SHISA9: variants seen among roughly 807,000 people sequenced by gnomAD.
The protein encoded by SHISA9 is protein shisa-9.
In SHISA9, 13 loss-of-function variants were observed where a neutral mutation model predicts 38.0. The ratio of observed to expected loss-of-function variants is 0.34; its 90% CI spans 0.22 to 0.54. The LOEUF (loss-of-function observed/expected upper bound fraction) is 0.54, where lower values mean the gene tolerates loss of function less well. Among genes scored for constraint, SHISA9 ranks in the 20% least tolerant of loss-of-function variants. The pLI, the probability that SHISA9 is intolerant of heterozygous loss-of-function variation, is 0.91. For synonymous variants in SHISA9, 275 were observed against 242.0 expected (o/e 1.14, Z -1.27); for missense variants, 538 against 575.8 (o/e 0.93, Z 0.67).
At chr16:13,342,705 G>A in the SHISA9 span, among the ~76,000 whole-genome samples, 149 of 152,002 alleles carry the variant, frequency 9.8e-4, 3 homozygotes, top group Non-Finnish European at 2.2e-4. Context: ...CCCCACATTC[G>A]GTAGTCCCTT....
At chr16:13,125,691 C>A (rs2050250250) in intron 2 of SHISA9, among the ~76,000 whole-genome samples, 1 of 151,806 alleles carries the variant, frequency 6.6e-6, no homozygotes, top group Admixed American at 6.6e-5. Context: ...CAAAACCTCA[C>A]AATTAGAAAC....
chr16:13,461,862 C>T, the SHISA9 span, among the ~76,000 whole-genome samples: 1 of 151,930 alleles, frequency 6.6e-6, no homozygotes, highest in Non-Finnish European at 1.5e-5. Context: ...ATCCGCCCAC[C>T]TCGGCCTCCC....
chr16:13,010,915 G>A (rs1567180687), intron 2 of SHISA9, among the ~76,000 whole-genome samples: 1 of 152,196 alleles, frequency 6.6e-6, no homozygotes, highest in African/African-American at 2.4e-5. Flanking sequence ...TAGAGCCACA[G>A]CATTGCAGCC....
At chr16:13,189,952 A>G (rs1267592831) in intron 2 of SHISA9, among the ~76,000 whole-genome samples, 1 of 152,174 alleles carries the variant, frequency 6.6e-6, no homozygotes, top group Admixed American at 6.5e-5. Context: ...AGGGAGGAGA[A>G]GAGAAGGGGC....
At chr16:12,917,486 T>C (rs1470684680) in intron 2 of SHISA9, among the ~76,000 whole-genome samples, 1 of 152,176 alleles carries the variant, frequency 6.6e-6, no homozygotes, top group African/African-American at 2.4e-5. Context: ...TGTGTTTCAA[T>C]AGGTATTTTT....
chr16:13,447,940 A>G, the SHISA9 span, among the ~76,000 whole-genome samples: 2 of 152,242 alleles, frequency 1.3e-5, no homozygotes, highest in African/African-American at 4.8e-5. Flanking sequence ...AAAAGTCATT[A>G]GGTGAGGGTG....
chr16:13,293,808 C>A, the SHISA9 span, among the ~76,000 whole-genome samples: 1 of 152,096 alleles, frequency 6.6e-6, no homozygotes, highest in African/African-American at 2.4e-5. Flanking sequence ...CAAAGCAAAA[C>A]AAAACAAAAA....
the SHISA9 span, among the ~76,000 whole-genome samples, chr16:13,260,497 C>G: frequency 1.3e-5 from 2 of 152,112 alleles, no homozygotes; most frequent in Admixed American, 1.3e-4. Context: ...TTCCACAAGT[C>G]TCTAGTGCAG....
At chr16:13,337,209 C>G in the SHISA9 span, among the ~76,000 whole-genome samples, 1 of 152,116 alleles carries the variant, frequency 6.6e-6, no homozygotes, top group African/African-American at 2.4e-5. Context: ...TGAATTGTAG[C>G]TCCCATAATT....
At chr16:12,936,238 C>T (rs1362843705) in intron 2 of SHISA9, among the ~76,000 whole-genome samples, 1 of 152,190 alleles carries the variant, frequency 6.6e-6, no homozygotes, top group Non-Finnish European at 1.5e-5. Flanking sequence ...CCCAGGAAGT[C>T]CTTGTTCCCA....
the SHISA9 span, among the ~76,000 whole-genome samples, chr16:13,312,504 A>T: frequency 6.6e-5 from 10 of 152,218 alleles, no homozygotes; most frequent in African/African-American, 2.2e-4. Context: ...AAAACTGTAG[A>T]GACCATTTAT....
the SHISA9 span, among the ~76,000 whole-genome samples, chr16:13,298,539 A>G: frequency 6.6e-6 from 1 of 152,118 alleles, no homozygotes; most frequent in South Asian, 2.1e-4. Flanking sequence ...GGAGGAAATC[A>G]GAGCTTAGAG....
intron 2 of SHISA9, among the ~76,000 whole-genome samples, chr16:13,189,008 C>T (rs1288825082): frequency 1.3e-5 from 2 of 152,084 alleles, no homozygotes; most frequent in East Asian, 3.9e-4. Flanking sequence ...AAGCAGAGAT[C>T]CCCAAGCCAA....
chr16:13,188,408 C>A (rs748701775), intron 2 of SHISA9, among the ~76,000 whole-genome samples: 29 of 152,182 alleles, frequency 1.9e-4, no homozygotes, highest in Admixed American at 7.9e-4. Flanking sequence ...AGATGGACAT[C>A]CGTCCTGACC....
intron 2 of SHISA9, among the ~76,000 whole-genome samples, chr16:13,198,035 A>G (rs971494655): frequency 1.3e-5 from 2 of 152,018 alleles, no homozygotes; most frequent in Non-Finnish European, 2.9e-5. Context: ...AAACACAAAA[A>G]TTAGCCGGGC....
At chr16:13,292,086 A>G in the SHISA9 span, among the ~76,000 whole-genome samples, 1 of 151,372 alleles carries the variant, frequency 6.6e-6, no homozygotes, top group African/African-American at 2.4e-5. Context: ...TGAAAATGTA[A>G]TCTTAAGGAA....
At chr16:13,104,858 A>G (rs1331234721) in intron 2 of SHISA9, among the ~76,000 whole-genome samples, 3 of 152,230 alleles carry the variant, frequency 2.0e-5, no homozygotes, top group African/African-American at 7.2e-5. Context: ...ACATATCAAT[A>G]AAACTTTTTA....
At chr16:13,532,591 T>C in the SHISA9 span, among the ~76,000 whole-genome samples, 1 of 131,432 alleles carries the variant, frequency 7.6e-6, no homozygotes, top group African/African-American at 2.9e-5. Context: ...GTGTGAACGC[T>C]AACTAAAATA....
chr16:13,082,903 T>C (rs1275135283), intron 2 of SHISA9, among the ~76,000 whole-genome samples: 1 of 152,216 alleles, frequency 6.6e-6, no homozygotes, highest in African/African-American at 2.4e-5. Context: ...CCTTTCCTTC[T>C]TAAGAGAGTC....
Sources: gnomAD v4.1 joint callset for allele counts (sites outside exome capture counted in the v4.1 genomes callset) on GRCh38, gnomAD v4.1.1 for gene constraint, MANE v1.5 for transcripts, NCBI Gene and HGNC (gene_info 2026-07-23, HGNC 2026-07-21) for gene names.